The following CPA4 variants were observed in gnomAD, a reference collection of about 807,000 sequenced individuals.
CPA4 encodes carboxypeptidase A3.
A neutral mutation model predicts 54.7 loss-of-function variants in CPA4; 49 were observed. The observed-to-expected ratio is 0.90, with a 90% CI of 0.71 to 1.14. The LOEUF (loss-of-function observed/expected upper bound fraction) is 1.14, where lower values mean the gene tolerates loss of function less well. Among genes scored for constraint, CPA4 ranks in the 50% most tolerant of loss-of-function variants. The pLI is 0.00. For synonymous variants in CPA4, 215 were observed against 206.8 expected, an observed-to-expected ratio of 1.04 and a Z score of -0.34; for missense variants, 487 against 525.1, an observed-to-expected ratio of 0.93 and a Z score of 0.71.
chr7:130,316,015 G>A (rs1426780241), intron 10 of CPA4, among the ~76,000 whole-genome samples: 1 of 151,934 alleles, frequency 6.6e-6, no homozygotes, highest in Non-Finnish European at 1.5e-5. Flanking sequence ...CAGTATGGGG[G>A]TTTGAATTGT....
In CPA4 at chr7:130,310,341, C is replaced by G. The variant is rs1196061260; in HGVS notation, c.794-446C>G. Among the ~76,000 whole-genome samples, 1 of 152,186 alleles carries G rather than the reference C, an allele frequency of 6.6e-6. No homozygotes were observed. The highest frequency in any genetic ancestry group is 2.4e-5 in the African/African-American group (1 of 41,436). On this transcript the variant is annotated intron_variant, in intron 8 of 10. Transcript: ENST00000222482. The surrounding 1 kb of genome is among the most constrained non-coding windows in gnomAD (Gnocchi z 4.3). ...TACAGAAGGCAGTGTTTCTAAATAC[C>G]TGTCAAATAATCAAGAGATTTTAGC...
At chr7:130,298,103 A>G (rs955105570) in intron 1 of CPA4, among the ~76,000 whole-genome samples, 1 of 152,018 alleles carries the variant, frequency 6.6e-6, no homozygotes, top group Non-Finnish European at 1.5e-5. Context: ...TTCCACCCAA[A>G]CGAGCCTCTG....
chr7:130,308,400 AGGCGGT>A lies in CPA4; in HGVS notation c.793+6_793+11del, dbSNP rs1210579873. 28 of 1,612,288 alleles carry A rather than the reference AGGCGGT, an allele frequency of 1.7e-5. No individual in the cohort carries two copies. The highest frequency in any genetic ancestry group is 2.4e-5 in the Non-Finnish European group (28 of 1,178,290). On this transcript the variant is annotated splice_donor_5th_base_variant and intron_variant, in intron 8 of 10. Transcript: ENST00000222482. ...AAACTGGAACGCTAGTTTTGCAGGT[AGGCGGT>A]GGGGAGACAGTTCTCAAATCCTGCT...
intron 10 of CPA4, among the ~76,000 whole-genome samples, chr7:130,320,398 A>G (rs1410151543): frequency 6.6e-6 from 1 of 152,220 alleles, no homozygotes; most frequent in Non-Finnish European, 1.5e-5. Context: ...GTGTTCTGAA[A>G]TACTTGCACT....
At position 130,305,746 on chromosome 7, in the gene CPA4, G is replaced by A. The variant is rs1793808663; in HGVS notation, c.487-70G>A. The A allele has an allele frequency of 1.9e-6, 2 of 1,071,040 alleles. 1 individual carries two copies. The highest frequency in any genetic ancestry group is 3.1e-5 in the African/African-American group (2 of 64,596). The allele number at this position is 1,071,040 out of a possible 1,614,324, so 66.3% of individuals were successfully genotyped here. A position where few individuals can be genotyped will look rare whatever the true frequency, so the allele number is the denominator to read the frequency against. On this transcript the variant is annotated intron_variant, in intron 5 of 10. Transcript: ENST00000222482. ...AAATGAATTAAATGAATGGGAGAGA[G>A]CTGGAGAGAGGAGAAGTGAGCAGAG...
intron 4 of CPA4, among the ~76,000 whole-genome samples, chr7:130,303,440 A>G (rs982599484): frequency 6.6e-5 from 10 of 152,172 alleles, no homozygotes. Context: ...ATTTCTACAT[A>G]TATTTCTGTT....
intron 5 of CPA4, among the ~76,000 whole-genome samples, chr7:130,304,975 G>A (rs190788506): frequency 2.0e-5 from 3 of 152,260 alleles, no homozygotes; most frequent in Non-Finnish European, 4.4e-5. Context: ...TTTGAGGGTT[G>A]GTGTAATTTT....
In CPA4 at chr7:130,308,405, G is replaced by A. The variant is rs1190502135; in HGVS notation, c.793+8G>A. ...GGAACGCTAGTTTTGCAGGTAGGCG[G>A]TGGGGAGACAGTTCTCAAATCCTGC... On this transcript the variant is annotated splice_region_variant and intron_variant, in intron 8 of 10. Transcript: ENST00000222482. The A allele has an allele frequency of 6.2e-7, 1 of 1,610,916 alleles. No individual in the cohort carries two copies. The highest frequency in any genetic ancestry group is 8.5e-7 in the Non-Finnish European group (1 of 1,177,036).
chr7:130,299,152 G>A (rs966915372), intron 2 of CPA4, 118 bp from the exon 3 acceptor site: 96 of 1,114,446 alleles, frequency 8.6e-5, no homozygotes, highest in Non-Finnish European at 1.2e-4. Context: ...TTTGCCCTTG[G>A]GCAGAGCCTA....
chr7:130,307,236 C>T (rs10274321), intron 7 of CPA4, among the ~76,000 whole-genome samples: 3,566 of 135,752 alleles, frequency 0.026, 148 homozygotes, highest in African/African-American at 0.09. Context: ...CTCTAACTGA[C>T]GATAGAAAAA....
intron 10 of CPA4, among the ~76,000 whole-genome samples, chr7:130,320,012 T>TG (rs1794062872): frequency 6.6e-6 from 1 of 152,174 alleles, no homozygotes; most frequent in African/African-American, 2.4e-5. Context: ...GGGCGGCTTC[T>TG]GAGGGCCCTC....
intron 1 of CPA4, among the ~76,000 whole-genome samples, chr7:130,298,268 G>T (rs1378367033): frequency 2.0e-5 from 3 of 152,212 alleles, no homozygotes; most frequent in Admixed American, 2.0e-4. Flanking sequence ...GTGAAGAAGT[G>T]CTTCTTTATG....
intron 3 of CPA4, 78 bp from the exon 4 acceptor site, chr7:130,300,738 A>G (rs1175097615): frequency 1.1e-6 from 1 of 941,226 alleles, no homozygotes; most frequent in Non-Finnish European, 1.7e-6. Context: ...TGGCTGACCC[A>G]TATGCAAAGA....
Position 130,307,629 on chromosome 7 carries a change from CAG to C in CPA4, c.703-676_703-675del, listed in dbSNP as rs1562930305. On this transcript the variant is annotated intron_variant, in intron 7 of 10. Transcript: ENST00000222482. ...TGGGCGACAGGGCAAGACTCCATCT[CAG>C]AAAAAAAAAAAAAAAAAAGTGTTTT... Among the ~76,000 whole-genome samples, 4 of 127,214 alleles carry C rather than the reference CAG, an allele frequency of 3.1e-5. 1 individual carries two copies. Among genetic ancestry groups the C allele is most frequent in the Non-Finnish European group, 4.9e-5 (3 of 61,604 alleles). The allele number at this position is 127,214 out of a possible 152,430, so 83.5% of individuals were successfully genotyped here.
intron 6 of CPA4, 43 bp from the exon 7 acceptor site, chr7:130,306,744 A>C: frequency 8.4e-7 from 1 of 1,197,064 alleles, no homozygotes; most frequent in Non-Finnish European, 1.2e-6. Flanking sequence ...CTAATGGCCC[A>C]TCCTGCCATG....
In CPA4 at chr7:130,299,027, G is replaced by T. The variant is rs112167487; in HGVS notation, c.150+200G>T. Among the ~76,000 whole-genome samples the T allele has an allele frequency of 2.6e-3, 396 of 152,344 alleles. 2 individuals are homozygous for T. Among genetic ancestry groups the T allele is most frequent in the African/African-American group, 9.0e-3 (376 of 41,584 alleles). On this transcript the variant is annotated intron_variant, in intron 2 of 10. Coordinates refer to ENST00000222482, the MANE Select transcript of CPA4 (RefSeq NM_016352.4). ...GCTGTGGTGTCCTGGGAGAGGGGAT[G>T]CTTGAACAGTATAGGCTCCATCCTT...
chr7:130,321,223 C>A (rs1794092791), intron 10 of CPA4, among the ~76,000 whole-genome samples: 1 of 152,088 alleles, frequency 6.6e-6, no homozygotes, highest in Non-Finnish European at 1.5e-5. Context: ...ATTATCTATG[C>A]TTTGTAATCT....
At chr7:130,322,216 GT>G (rs1433619965) in intron 10 of CPA4, among the ~76,000 whole-genome samples, 2 of 152,260 alleles carry the variant, frequency 1.3e-5, no homozygotes, top group Non-Finnish European at 2.9e-5. Context: ...ATAGAGATTG[GT>G]TTTGAGGGAC....
At chr7:130,320,309 C>A in intron 10 of CPA4, among the ~76,000 whole-genome samples, 1 of 152,128 alleles carries the variant, frequency 6.6e-6, no homozygotes, top group East Asian at 1.9e-4. Flanking sequence ...AGCAGGGACC[C>A]AAATAAAGTG....
Sources: allele counts gnomAD v4.1 joint callset (sites outside exome capture counted in the v4.1 genomes callset), GRCh38; gene constraint gnomAD v4.1.1; non-coding constraint Gnocchi (gnomAD v3.1); transcripts MANE v1.5; gene names NCBI Gene and HGNC (gene_info 2026-07-23, HGNC 2026-07-21).